Variants in MGAT4C observed in about 807,000 individuals in gnomAD.
MGAT4C encodes MGAT4 family member C.
A neutral mutation model predicts 40.1 loss-of-function variants in MGAT4C; 19 were observed. That is an observed-to-expected ratio of 0.47 (90% CI 0.33 to 0.70). MGAT4C has a LOEUF of 0.70. Ranked by LOEUF, MGAT4C falls within the 30% of genes least tolerant of loss-of-function variation. The pLI is 0.02. For missense variants in MGAT4C, 491 were observed against 563.2 expected (o/e 0.87, Z 1.30); for synonymous variants, 181 against 187.1 (o/e 0.97, Z 0.27).
chr12:86,464,511 C>A (rs1957651845), intron 2 of MGAT4C, among the ~76,000 whole-genome samples: 1 of 152,060 alleles, frequency 6.6e-6, no homozygotes, highest in Admixed American at 6.5e-5. Context: ...CCACATACAC[C>A]TAATTCACCT....
At chr12:85,998,414 C>T (rs1235206507) in intron 2 of MGAT4C, among the ~76,000 whole-genome samples, 1 of 152,132 alleles carries the variant, frequency 6.6e-6, no homozygotes, top group Non-Finnish European at 1.5e-5. Flanking sequence ...AGCTGGCTTG[C>T]GTTTCTCTTC....
At chr12:86,724,168 T>C (rs923085957) in intron 2 of MGAT4C, among the ~76,000 whole-genome samples, 7 of 152,184 alleles carry the variant, frequency 4.6e-5, no homozygotes, top group African/African-American at 1.4e-4. Context: ...GCCTTTATGA[T>C]TTAAAATTCA....
chr12:86,298,736 G>A (rs1015153464), intron 4 of MGAT4C, among the ~76,000 whole-genome samples: 2 of 152,098 alleles, frequency 1.3e-5, no homozygotes, highest in Non-Finnish European at 2.9e-5. Context: ...AAATAAAACA[G>A]TAATCATGGT....
At chr12:86,267,234 C>G (rs1048384594) in intron 4 of MGAT4C, among the ~76,000 whole-genome samples, 6 of 152,026 alleles carry the variant, frequency 3.9e-5, no homozygotes, top group Non-Finnish European at 7.4e-5. Context: ...GATATTGAAG[C>G]TATAAAGTTC....
At position 86,339,308 on chromosome 12, in the gene MGAT4C, C is replaced by A. The variant is rs138492317; in HGVS notation, c.-119-5181G>T. Among the ~76,000 whole-genome samples, 5 of 152,130 alleles carry A rather than the reference C, an allele frequency of 3.3e-5. No individual in the cohort carries two copies. In the East Asian group the frequency reaches 9.7e-4, roughly 29 times the overall value. ...AGCAGGCAATGCTCATATAGGGCTACTATTATCTAAGAAGATAGTAAAGAA... is the reference window on the plus strand; with the variant it reads ...AGCAGGCAATGCTCATATAGGGCTAATATTATCTAAGAAGATAGTAAAGAA... On this transcript the variant is annotated intron_variant, in intron 3 of 7. Coordinates refer to the MGAT4C transcript ENST00000548651.
At chr12:86,826,640 T>C (rs771909563) in intron 1 of MGAT4C, among the ~76,000 whole-genome samples, 15 of 151,340 alleles carry the variant, frequency 9.9e-5, no homozygotes, top group Non-Finnish European at 1.9e-4. Context: ...ATTTTAAAAA[T>C]CCAACAGAAA....
rs1884402980 is a variant in MGAT4C, at chr12:85,980,228, T to C, written c.498A>G (p.Ala166=). ...GAGCATGTATAACCATTAATCTTCC[T>C]GCAATAATATGGTGCGCAAATTTCT... ...ITQKFAHHII[A]GRLMVIHAPE... is the part of the protein sequence containing the mutation. The change falls in exon 5 of 5, where the codon GCA becomes GCG. Residue 166 remains alanine, a synonymous_variant. Coordinates refer to ENST00000611864, the MANE Select transcript of MGAT4C (RefSeq NM_001351288.2). The C allele has an allele frequency of 1.2e-6, 2 of 1,613,818 alleles. No individual in the cohort carries two copies. Among genetic ancestry groups the C allele is most frequent in the Non-Finnish European group, 1.7e-6 (2 of 1,179,900 alleles).
chr12:86,652,508 G>A (rs534581950), intron 2 of MGAT4C, among the ~76,000 whole-genome samples: 4 of 151,830 alleles, frequency 2.6e-5, no homozygotes, highest in Non-Finnish European at 5.9e-5. Flanking sequence ...TGGGAAGCCT[G>A]AGAATGAATA....
intron 4 of MGAT4C, among the ~76,000 whole-genome samples, chr12:86,279,014 A>G (rs1448904163): frequency 9.7e-6 from 1 of 102,958 alleles, no homozygotes; most frequent in African/African-American, 3.2e-5. Flanking sequence ...GATCATAAGG[A>G]ATGATTTTTT....
intron 1 of MGAT4C, among the ~76,000 whole-genome samples, chr12:86,184,294 T>C (rs1470154640): frequency 6.6e-6 from 1 of 151,906 alleles, no homozygotes. Flanking sequence ...GGAGAATCAC[T>C]TGAACCTGGG....
chr12:86,579,060 G>T (rs971096612), intron 2 of MGAT4C, among the ~76,000 whole-genome samples: 9 of 151,550 alleles, frequency 5.9e-5, no homozygotes, highest in African/African-American at 2.2e-4. Context: ...TGTCCTTATA[G>T]GTGAAGTGTG....
intron 1 of MGAT4C, among the ~76,000 whole-genome samples, chr12:86,246,423 A>G (rs1423851735): frequency 2.6e-5 from 4 of 151,746 alleles, no homozygotes; most frequent in African/African-American, 9.7e-5. Flanking sequence ...TTGCCTACAC[A>G]CTCATGAACA....
chr12:86,083,039 C>A (rs1415530771), intron 1 of MGAT4C, among the ~76,000 whole-genome samples: 1 of 152,026 alleles, frequency 6.6e-6, no homozygotes, highest in Non-Finnish European at 1.5e-5. Context: ...ATTATCCTTC[C>A]CAAGCATCCT....
chr12:86,619,680 A>G (rs2136486809), intron 2 of MGAT4C, among the ~76,000 whole-genome samples: 1 of 152,024 alleles, frequency 6.6e-6, no homozygotes, highest in Non-Finnish European at 1.5e-5. Flanking sequence ...TTTTTTATAC[A>G]GCTTAGTTTA....
At chr12:86,495,495 G>C (rs1958220699) in intron 2 of MGAT4C, among the ~76,000 whole-genome samples, 2 of 152,006 alleles carry the variant, frequency 1.3e-5, no homozygotes, top group African/African-American at 4.8e-5. Flanking sequence ...ATTCACATCT[G>C]CATTATGCCT....
chr12:86,016,767 T>G (rs1056989936), intron 2 of MGAT4C, among the ~76,000 whole-genome samples: 6 of 152,162 alleles, frequency 3.9e-5, no homozygotes, highest in African/African-American at 1.4e-4. Flanking sequence ...TTTTTTTTTT[T>G]GGTATGCAGA....
intron 2 of MGAT4C, among the ~76,000 whole-genome samples, chr12:86,724,730 T>C (rs1950794079): frequency 6.6e-6 from 1 of 152,204 alleles, no homozygotes; most frequent in Non-Finnish European, 1.5e-5. Flanking sequence ...GTTAATTTAC[T>C]GAAAGCTTAA....
intron 2 of MGAT4C, among the ~76,000 whole-genome samples, chr12:86,491,159 T>A (rs559306663): frequency 6.6e-6 from 1 of 152,154 alleles, no homozygotes; most frequent in East Asian, 1.9e-4. Flanking sequence ...ATCAATAGCT[T>A]ACCAACCAAA....
At chr12:86,628,294 G>A (rs1252965125) in intron 2 of MGAT4C, among the ~76,000 whole-genome samples, 1 of 152,162 alleles carries the variant, frequency 6.6e-6, no homozygotes, top group South Asian at 2.1e-4. Flanking sequence ...AAGTGACGGG[G>A]AGAATGGAAC....
Sources: gnomAD v4.1 joint callset for allele counts (sites outside exome capture counted in the v4.1 genomes callset) on GRCh38, gnomAD v4.1.1 for gene constraint, MANE v1.5 for transcripts, NCBI Gene and HGNC (gene_info 2026-07-23, HGNC 2026-07-21) for gene names.